LTF: variants seen among roughly 807,000 people sequenced by gnomAD.
The protein encoded by LTF is epididymis luminal protein 110.
A neutral mutation model predicts 87.2 loss-of-function variants in LTF; 91 were observed. The observed-to-expected ratio is 1.04, with a 90% confidence interval of 0.88 to 1.24. The LOEUF is 1.24. Ranked by LOEUF, LTF falls within the 50% of genes most tolerant of loss-of-function variation. The probability of loss-of-function intolerance (pLI) is 0.00; values close to 1 mark genes in which losing one functional copy is unlikely to be tolerated. For synonymous variants in LTF, 378 were observed against 356.1 expected (o/e 1.06, Z -0.69); for missense variants, 901 against 904.3 (o/e 1.00, Z 0.05).
At chr3:46,444,622 G>A (rs776265779) in intron 12 of LTF, among the ~76,000 whole-genome samples, 38 of 152,350 alleles carry the variant, frequency 2.5e-4, no homozygotes, top group East Asian at 5.8e-4. Flanking sequence ...GCAGAGCCAC[G>A]TGAAAGCTGC....
Position 46,442,243 on chromosome 3 carries a change from G to C in LTF, c.1656-760C>G, listed in dbSNP as rs182557339. 2.6e-5 allele frequency among the ~76,000 whole-genome samples: 4 copies of C among 152,142 alleles called. No individual in the cohort carries two copies. In the East Asian group the frequency reaches 7.7e-4, roughly 29 times the overall value. On this transcript the variant is annotated intron_variant, in intron 13 of 16. Coordinates refer to ENST00000231751, the MANE Select transcript of LTF (RefSeq NM_002343.6). The stretch of plus-strand genomic sequence containing the variant: ...TGGTTGTGTGGTGGAAAAGGTGCTG[G>C]GGGCAGTGTGAGAGGCTAGATCTTC...
intron 1 of LTF, among the ~76,000 whole-genome samples, chr3:46,475,515 A>AACACACACACACAC (rs59984149): frequency 7.6e-6 from 1 of 130,978 alleles, no homozygotes; most frequent in Non-Finnish European, 1.6e-5. Context: ...TCTCCCCCTA[A>AACACACACACACAC]ACACACACAC....
intron 8 of LTF, 147 bp from the exon 9 acceptor site, chr3:46,449,164 T>A: frequency 1.5e-6 from 1 of 665,790 alleles, no homozygotes; most frequent in South Asian, 2.2e-5. Context: ...CCTCTCCTCC[T>A]CCACTTCTCA....
intron 1 of LTF, among the ~76,000 whole-genome samples, chr3:46,474,394 A>G (rs1272720547): frequency 6.6e-6 from 1 of 152,214 alleles, no homozygotes; most frequent in Non-Finnish European, 1.5e-5. Context: ...GAAAGAGTCA[A>G]TACACCTAGA....
intron 5 of LTF, among the ~76,000 whole-genome samples, 199 bp downstream of exon 5, chr3:46,455,096 G>T (rs1309622087): frequency 1.3e-5 from 2 of 152,200 alleles, no homozygotes; most frequent in Non-Finnish European, 2.9e-5. Context: ...GAAGTTGGGG[G>T]CACAGTTGGG....
intron 15 of LTF, 95 bp downstream of exon 15, chr3:46,439,201 A>G (rs1702455185): frequency 8.4e-7 from 1 of 1,191,366 alleles, no homozygotes; most frequent in Non-Finnish European, 1.2e-6. Flanking sequence ...AGGACTAGAG[A>G]GGATCGAGTG....
upstream of LTF, chr3:46,468,152 G>T (rs1325336887): frequency 4.4e-6 from 2 of 455,740 alleles, no homozygotes; most frequent in Non-Finnish European, 8.8e-6. Flanking sequence ...AAGGGACAAA[G>T]GATCCTGTTT....
At position 46,455,454 on chromosome 3, in the gene LTF, A is replaced by G. The variant is rs776166326; in HGVS notation, c.500-12T>C. On this transcript the variant is annotated splice_polypyrimidine_tract_variant and intron_variant, in intron 4 of 16. Transcript: ENST00000231751. ...GAACCTGGCCACAGCTGTTAAACAC[A>G]GAGAAGTGGACCACAGAGTGTGAGC... is the stretch of plus-strand genomic sequence containing the variant. The G allele has an allele frequency of 1.9e-6, 3 of 1,614,174 alleles. No individual in the cohort carries two copies. Among genetic ancestry groups the G allele is most frequent in the Non-Finnish European group, 2.5e-6 (3 of 1,180,000 alleles).
chr3:46,460,317 G>A (rs1703047362), intron 1 of LTF, among the ~76,000 whole-genome samples: 1 of 152,156 alleles, frequency 6.6e-6, no homozygotes, highest in African/African-American at 2.4e-5. Flanking sequence ...TCTCTTCCCA[G>A]GGAATGCCAA....
rs936849334 is a variant in LTF, at chr3:46,464,675, GTC to G, written c.43+148_43+149del. On this transcript the variant is annotated intron_variant, in intron 1 of 16. Transcript: ENST00000231751. Reference sequence around the variant, plus strand: ...CATGTGGGAAAGAGACTGGCCCCGCGTCCGGGCCGCCTCCCGGCTGTAGGCGC... The same window carrying G: ...CATGTGGGAAAGAGACTGGCCCCGCGCGGGCCGCCTCCCGGCTGTAGGCGC... 9.1e-6 allele frequency: 7 copies of G among 772,118 alleles called. No individual in the cohort carries two copies. In the African/African-American group the frequency reaches 1.2e-4, roughly 14 times the overall value. 47.8% of individuals were successfully genotyped at this position (772,118 alleles called of 1,614,324 possible).
intron 14 of LTF, among the ~76,000 whole-genome samples, chr3:46,440,155 G>A (rs897790505): frequency 1.3e-5 from 2 of 152,126 alleles, no homozygotes; most frequent in Non-Finnish European, 2.9e-5. Context: ...TTGCATGGGT[G>A]GATTTTTTAG....
At chr3:46,464,699 G>A (rs1575324597) in intron 1 of LTF, 126 bp downstream of exon 1, 1 of 1,011,612 alleles carries the variant, frequency 9.9e-7, no homozygotes, top group Non-Finnish European at 1.5e-6. Context: ...CCGGCTGTAG[G>A]CGCTGGGACC....
Position 46,456,289 on chromosome 3 carries a change from C to G in LTF, c.316+1G>C. ...CCTCTGGGTCCCCAGGCAGAACTCA[C>G]GTCTTTCGGTCCCGTAGACTTCCGC... is the stretch of plus-strand genomic sequence containing the variant. On this transcript the variant is annotated splice_donor_variant, in intron 3 of 16. Transcript: ENST00000231751. LOFTEE classifies it high-confidence loss of function. 1 of 1,613,720 alleles carries G rather than the reference C, an allele frequency of 6.2e-7. No individual in the cohort carries two copies. Among genetic ancestry groups the G allele is most frequent in the Non-Finnish European group, 8.5e-7 (1 of 1,179,668 alleles).
intron 1 of LTF, among the ~76,000 whole-genome samples, chr3:46,481,783 C>G (rs1703434440): frequency 6.6e-6 from 1 of 152,164 alleles, no homozygotes; most frequent in South Asian, 2.1e-4. Context: ...AAACCACCAA[C>G]AGATGTAGAA....
At chr3:46,439,108 G>T (rs1702453574) in intron 15 of LTF, among the ~76,000 whole-genome samples, 188 bp downstream of exon 15, 1 of 152,180 alleles carries the variant, frequency 6.6e-6, no homozygotes, top group South Asian at 2.1e-4. Flanking sequence ...AAAGCCCAGA[G>T]TCAAAAGCCT....
upstream of LTF, chr3:46,465,128 C>T (rs576331796): frequency 2.1e-4 from 116 of 546,472 alleles, 3 homozygotes; most frequent in South Asian, 2.5e-3. Context: ...CTGCGATGTT[C>T]TTTCTCTCCC....
chr3:46,453,244 A>G (rs1702844902), intron 6 of LTF, among the ~76,000 whole-genome samples: 1 of 152,266 alleles, frequency 6.6e-6, no homozygotes, highest in Non-Finnish European at 1.5e-5. Flanking sequence ...GCTGTCAGAG[A>G]AATGAAAATT....
chr3:46,469,234 T>C (rs998700807), upstream of LTF, among the ~76,000 whole-genome samples: 1 of 152,236 alleles, frequency 6.6e-6, no homozygotes, highest in Non-Finnish European at 1.5e-5. Context: ...CTGCTATCCC[T>C]GAGTCTCCCA....
intron 1 of LTF, among the ~76,000 whole-genome samples, chr3:46,482,061 A>G: frequency 6.6e-6 from 1 of 152,208 alleles, no homozygotes; most frequent in East Asian, 1.9e-4. Context: ...TGAATCAGAT[A>G]ATAGTTTTTT....
Sources: gnomAD v4.1 joint callset for allele counts (sites outside exome capture counted in the v4.1 genomes callset) on GRCh38, gnomAD v4.1.1 for gene constraint, MANE v1.5 for transcripts, NCBI Gene and HGNC (gene_info 2026-07-23, HGNC 2026-07-21) for gene names.